MPDZ: variants seen among roughly 807,000 people sequenced by gnomAD.
MPDZ encodes the protein multiple PDZ domain protein.
A neutral mutation model predicts 239.1 loss-of-function variants in MPDZ; 234 were observed. The ratio of observed to expected loss-of-function variants is 0.98; its 90% CI spans 0.88 to 1.09. MPDZ has a LOEUF of 1.09. Among genes scored for constraint, MPDZ ranks in the 50% least tolerant of loss-of-function variants. The probability of loss-of-function intolerance (pLI) is 0.00; values close to 1 mark genes in which losing one functional copy is unlikely to be tolerated. For missense variants in MPDZ, 3,175 were observed against 2,510.0 expected, an observed-to-expected ratio of 1.26 and a Z score of -5.66; for synonymous variants, 1,048 against 881.3, an observed-to-expected ratio of 1.19 and a Z score of -3.35.
At position 13,107,727 on chromosome 9, in the gene MPDZ, C is replaced by T. The variant is rs73404380; in HGVS notation, c.6067-616G>A. On this transcript the variant is annotated intron_variant, in intron 46 of 46. Coordinates refer to ENST00000319217, the MANE Select transcript of MPDZ (RefSeq NM_001378778.1). ...AGATTCTTCATATTCCTTATGGACCCTAAATGATTAAGATTAAATACAGAC... is the reference window on the plus strand; with the variant it reads ...AGATTCTTCATATTCCTTATGGACCTTAAATGATTAAGATTAAATACAGAC... 3.6e-3 allele frequency among the ~76,000 whole-genome samples: 552 copies of T among 152,132 alleles called. 7 individuals carry two copies. The highest frequency in any genetic ancestry group is 0.013 in the African/African-American group (538 of 41,512).
intron 40 of MPDZ, among the ~76,000 whole-genome samples, chr9:13,114,325 A>G (rs1193951739): frequency 6.6e-6 from 1 of 152,182 alleles, no homozygotes; most frequent in Admixed American, 6.5e-5. Context: ...CTGATGTTGT[A>G]GGAAGACTAG....
In MPDZ at chr9:13,134,075, C is replaced by T. The variant is rs1946402286; in HGVS notation, c.4384-171G>A. The T allele has an allele frequency of 3.3e-5, 9 of 270,214 alleles. 1 individual carries two copies. The South Asian group carries it at 1.1e-3, about 33-fold the overall frequency. 16.7% of individuals were successfully genotyped at this position (270,214 alleles called of 1,614,324 possible). Reference sequence around the variant, plus strand: ...TTTAATACATTTATTTATTATAATACATTTTTGCTATTTTAACATTCTATG... The same window carrying T: ...TTTAATACATTTATTTATTATAATATATTTTTGCTATTTTAACATTCTATG... On this transcript the variant is annotated intron_variant, in intron 31 of 46. Coordinates refer to ENST00000319217, the MANE Select transcript of MPDZ (RefSeq NM_001378778.1).
Position 13,247,126 on chromosome 9 carries a change from C to G in MPDZ, c.183+509G>C, listed in dbSNP as rs565759904. Among the ~76,000 whole-genome samples, 32 of 152,288 alleles carry G rather than the reference C, an allele frequency of 2.1e-4. No individual in the cohort carries two copies. The South Asian group carries it at 6.4e-3, about 31-fold the overall frequency. Reference sequence around the variant, plus strand: ...CATGGAAGCAATTGCTACTTACACTCTTTAAAGAAGTGAGAATTGCAATTC... The same window carrying G: ...CATGGAAGCAATTGCTACTTACACTGTTTAAAGAAGTGAGAATTGCAATTC... On this transcript the variant is annotated intron_variant, in intron 3 of 46. Transcript: ENST00000319217.
chr9:13,112,882 A>C, intron 42 of MPDZ, 129 bp downstream of exon 42: 1 of 886,320 alleles, frequency 1.1e-6, no homozygotes, highest in Non-Finnish European at 1.7e-6. Context: ...GTTATTTCAC[A>C]TGTAATATGT....
chr9:13,195,204 T>A (rs1345380495), intron 13 of MPDZ, among the ~76,000 whole-genome samples: 1 of 151,896 alleles, frequency 6.6e-6, no homozygotes, highest in Non-Finnish European at 1.5e-5. Flanking sequence ...AGGAGAAAAG[T>A]TTGAGCCCTG....
chr9:13,110,135 A>G, intron 44 of MPDZ, 71 bp from the exon 45 acceptor site: 1 of 1,004,754 alleles, frequency 1.0e-6, no homozygotes, highest in South Asian at 1.5e-5. Context: ...TTTTCTTCAG[A>G]AAGAGCACTT....
intron 41 of MPDZ, among the ~76,000 whole-genome samples, chr9:13,113,533 C>T (rs545618785): frequency 4.6e-5 from 7 of 152,256 alleles, no homozygotes; most frequent in South Asian, 4.1e-4. Flanking sequence ...CATGATTTCA[C>T]GTAATTAAAA....
chr9:13,116,357 G>T (rs1001955252), intron 39 of MPDZ, among the ~76,000 whole-genome samples: 3 of 152,076 alleles, frequency 2.0e-5, no homozygotes, highest in Admixed American at 1.3e-4. Flanking sequence ...ATCATTATAG[G>T]TTGTTGAGAT....
intron 1 of MPDZ, among the ~76,000 whole-genome samples, chr9:13,270,086 T>C (rs943536827): frequency 3.2e-4 from 48 of 152,246 alleles, no homozygotes; most frequent in Non-Finnish European, 8.8e-5. Context: ...ATTCTTTCAA[T>C]GAACGTGACT....
chr9:13,231,515 C>T (rs547286484), intron 3 of MPDZ, among the ~76,000 whole-genome samples: 32 of 152,114 alleles, frequency 2.1e-4, no homozygotes, highest in African/African-American at 7.0e-4. Context: ...TGCAGTGAGC[C>T]ACTGTACTCC....
Position 13,110,631 on chromosome 9 carries a change from C to G in MPDZ, c.5829+5G>C. On this transcript the variant is annotated splice_donor_5th_base_variant and intron_variant, in intron 44 of 46. Coordinates refer to ENST00000319217, the MANE Select transcript of MPDZ (RefSeq NM_001378778.1). ...TCTGAATTATGCTTGGGATAAAAAT[C>G]TTACCTGCATTTCAATGGAGCCAGA... 3.7e-6 allele frequency: 6 copies of G among 1,610,912 alleles called. No homozygotes were observed. Among genetic ancestry groups the G allele is most frequent in the Non-Finnish European group, 5.1e-6 (6 of 1,177,552 alleles).
At chr9:13,129,644 G>C (rs1413643917) in intron 32 of MPDZ, among the ~76,000 whole-genome samples, 1 of 152,076 alleles carries the variant, frequency 6.6e-6, no homozygotes, top group African/African-American at 2.4e-5. Context: ...GAGATATTTT[G>C]TTTGGGGCTA....
In MPDZ at chr9:13,205,721, A is replaced by G. The variant is rs566919016; in HGVS notation, c.1474+195T>C. ...TTCAGAAGCCTACTCCATAGTTTAT[A>G]AACACATTGCTGGTTCCAGTCAATC... is the stretch of plus-strand genomic sequence containing the variant. On this transcript the variant is annotated intron_variant, in intron 11 of 46. Coordinates refer to ENST00000319217, the MANE Select transcript of MPDZ (RefSeq NM_001378778.1). Among the ~76,000 whole-genome samples the G allele has an allele frequency of 6.8e-4, 103 of 152,282 alleles. 1 individual carries two copies. The South Asian group carries it at 0.013, about 20-fold the overall frequency.
chr9:13,234,332 A>G (rs931670631), intron 3 of MPDZ, among the ~76,000 whole-genome samples: 3 of 152,062 alleles, frequency 2.0e-5, no homozygotes, highest in African/African-American at 7.2e-5. Context: ...CTTATATTTC[A>G]TCTATTCCTT....
chr9:13,227,244 A>G (rs1031771126), intron 3 of MPDZ, among the ~76,000 whole-genome samples: 2 of 152,162 alleles, frequency 1.3e-5, no homozygotes, highest in African/African-American at 2.4e-5. Context: ...GCTTTCTACA[A>G]TCACAGATGA....
In MPDZ at chr9:13,246,015, T is replaced by A. The variant is rs79415933; in HGVS notation, c.183+1620A>T. On this transcript the variant is annotated intron_variant, in intron 3 of 46. Transcript: ENST00000319217. ...TTCTCATTCTAATCATGTTTTCACATAACATATTAAGAATAGAAGATATCT... is the reference window on the plus strand; with the variant it reads ...TTCTCATTCTAATCATGTTTTCACAAAACATATTAAGAATAGAAGATATCT... 5.1e-3 allele frequency among the ~76,000 whole-genome samples: 768 copies of A among 151,172 alleles called. 8 individuals carry two copies. Among genetic ancestry groups the A allele is most frequent in the African/African-American group, 0.017 (716 of 41,120 alleles).
At chr9:13,201,925 A>T (rs1004288571) in intron 12 of MPDZ, among the ~76,000 whole-genome samples, 2 of 152,050 alleles carry the variant, frequency 1.3e-5, no homozygotes, top group African/African-American at 2.4e-5. Flanking sequence ...GATTATTCTG[A>T]ATTTTCTGTA....
At chr9:13,152,364 G>A (rs1003897812) in intron 24 of MPDZ, among the ~76,000 whole-genome samples, 1 of 152,088 alleles carries the variant, frequency 6.6e-6, no homozygotes, top group Non-Finnish European at 1.5e-5. Context: ...ACGTATTGTT[G>A]GTGGGACCCG....
At position 13,143,577 on chromosome 9, in the gene MPDZ, A is replaced by G. The variant is rs372074346; in HGVS notation, c.3742-13T>C. ...GCAAAGGGGATTTCTAAAAGGAAAC[A>G]TAAGAGGCGCTGAACGCAAAGGAAA... On this transcript the variant is annotated splice_polypyrimidine_tract_variant and intron_variant, in intron 26 of 46. Transcript: ENST00000319217. 4 of 1,601,146 alleles carry G rather than the reference A, an allele frequency of 2.5e-6. No homozygotes were observed. The highest frequency in any genetic ancestry group is 3.4e-6 in the Non-Finnish European group (4 of 1,168,540).
Sources: gnomAD v4.1 joint callset for allele counts (sites outside exome capture counted in the v4.1 genomes callset) on GRCh38, gnomAD v4.1.1 for gene constraint, MANE v1.5 for transcripts, NCBI Gene and HGNC (gene_info 2026-07-23, HGNC 2026-07-21) for gene names.